Variants in CEP63 observed in about 807,000 individuals in gnomAD.
CEP63 encodes the protein centrosomal protein of 63 kDa.
CEP63 carries 84 observed loss-of-function variants against 89.1 expected under a neutral mutation model. The observed-to-expected ratio is 0.94, with a 90% CI of 0.79 to 1.13. The LOEUF is 1.13. CEP63 is among the 50% of genes most tolerant of loss of function. CEP63 has a pLI of 0.00. For missense variants in CEP63, 838 were observed against 813.3 expected (o/e 1.03, Z -0.37); for synonymous variants, 267 against 272.5 (o/e 0.98, Z 0.20).
chr3:134,623,605 C>T, the CEP63 span, among the ~76,000 whole-genome samples: 1 of 151,532 alleles, frequency 6.6e-6, no homozygotes, highest in Non-Finnish European at 1.5e-5. Flanking sequence ...GTCTAGCCTC[C>T]CCGTCTCTGC....
intron 14 of CEP63, among the ~76,000 whole-genome samples, chr3:134,559,821 G>T (rs754794570): frequency 6.6e-6 from 1 of 152,222 alleles, no homozygotes; most frequent in Non-Finnish European, 1.5e-5. Context: ...GAGTGTGGAG[G>T]GGGAGGAAGG....
At chr3:134,664,559 G>A in the CEP63 span, among the ~76,000 whole-genome samples, 514 of 152,310 alleles carry the variant, frequency 3.4e-3, 5 homozygotes, top group South Asian at 0.054. Context: ...GGTGATGTGC[G>A]CACAGGTGTT....
the CEP63 span, among the ~76,000 whole-genome samples, chr3:134,726,664 G>A: frequency 4.6e-5 from 7 of 152,098 alleles, no homozygotes; most frequent in African/African-American, 4.8e-5. Context: ...GGGCATTTAG[G>A]CTTTTCTGAA....
At chr3:134,774,204 C>T in the CEP63 span, among the ~76,000 whole-genome samples, 1 of 152,120 alleles carries the variant, frequency 6.6e-6, no homozygotes, top group African/African-American at 2.4e-5. Flanking sequence ...CCCCTCCTCA[C>T]CTTCTTCTTA....
At chr3:134,689,168 A>G in the CEP63 span, among the ~76,000 whole-genome samples, 4 of 152,032 alleles carry the variant, frequency 2.6e-5, no homozygotes, top group South Asian at 8.3e-4. Flanking sequence ...TCTCATTTTC[A>G]TAAAGCATCT....
At chr3:134,769,277 C>G in the CEP63 span, among the ~76,000 whole-genome samples, 1 of 152,170 alleles carries the variant, frequency 6.6e-6, no homozygotes, top group African/African-American at 2.4e-5. Context: ...TGGGCCCCAC[C>G]TCAGACCTAC....
At chr3:134,512,452 A>G (rs556285447) in intron 3 of CEP63, among the ~76,000 whole-genome samples, 27 of 152,332 alleles carry the variant, frequency 1.8e-4, no homozygotes, top group African/African-American at 5.8e-4. Flanking sequence ...GGCCTTGGAC[A>G]AGTAACTTCC....
the CEP63 span, among the ~76,000 whole-genome samples, chr3:134,773,790 A>T: frequency 6.6e-6 from 1 of 151,726 alleles, no homozygotes; most frequent in African/African-American, 2.4e-5. Flanking sequence ...TGCATCCCTC[A>T]TTCCTCCAAC....
chr3:134,514,622 A>G (rs1945800853), intron 3 of CEP63, among the ~76,000 whole-genome samples: 1 of 152,142 alleles, frequency 6.6e-6, no homozygotes, highest in Admixed American at 6.5e-5. Context: ...AGTGAAAGCC[A>G]GAAAACAATA....
At chr3:134,650,699 G>C in the CEP63 span, 1 of 877,450 alleles carries the variant, frequency 1.1e-6, no homozygotes, top group Admixed American at 3.2e-5. Context: ...CGGCAGCCAT[G>C]GGGGAGAGGG....
At chr3:134,604,049 C>T in the CEP63 span, 13 of 1,614,004 alleles carry the variant, frequency 8.1e-6, no homozygotes, top group South Asian at 1.3e-4. Flanking sequence ...CGCTGTGTCT[C>T]CTCAGTGATG....
the CEP63 span, among the ~76,000 whole-genome samples, chr3:134,697,332 A>T: frequency 6.6e-6 from 1 of 152,158 alleles, no homozygotes; most frequent in Admixed American, 6.5e-5. Context: ...TTGTCATAAC[A>T]CTGTGGGATA....
chr3:134,566,787 AGAT>A (rs910597610), downstream of CEP63, among the ~76,000 whole-genome samples: 2 of 152,240 alleles, frequency 1.3e-5, no homozygotes, highest in Non-Finnish European at 2.9e-5. Context: ...CAAGTGTTGA[AGAT>A]GATGTGGAGA....
At chr3:134,750,805 A>G in the CEP63 span, among the ~76,000 whole-genome samples, 1 of 152,256 alleles carries the variant, frequency 6.6e-6, no homozygotes, top group Non-Finnish European at 1.5e-5. Flanking sequence ...GTCCAAAACC[A>G]ACAGAGTCTC....
At chr3:134,606,242 A>G in the CEP63 span, among the ~76,000 whole-genome samples, 1 of 152,104 alleles carries the variant, frequency 6.6e-6, no homozygotes, top group Admixed American at 6.6e-5. Flanking sequence ...AGCACCACCC[A>G]GCACCCCACA....
the CEP63 span, among the ~76,000 whole-genome samples, chr3:134,752,812 A>C: frequency 0.53 from 80,330 of 151,852 alleles, 25,202 homozygotes; most frequent in East Asian, 0.83. Flanking sequence ...GCTCCTTGGT[A>C]ATTGCCTATG....
chr3:134,697,803 A>G, the CEP63 span, among the ~76,000 whole-genome samples: 1 of 152,150 alleles, frequency 6.6e-6, no homozygotes, highest in Non-Finnish European at 1.5e-5. Flanking sequence ...CTCATTTCCC[A>G]GTCATTTTTG....
the CEP63 span, among the ~76,000 whole-genome samples, chr3:134,710,705 C>G: frequency 6.8e-6 from 1 of 147,190 alleles, no homozygotes; most frequent in Non-Finnish European, 1.5e-5. Flanking sequence ...TTTATCCATT[C>G]CTTTTTTTTT....
chr3:134,691,869 G>A, the CEP63 span, among the ~76,000 whole-genome samples: 7 of 151,938 alleles, frequency 4.6e-5, no homozygotes, highest in African/African-American at 1.5e-4. Flanking sequence ...ACAGTCATGT[G>A]CCACCACATC....
Sources: allele counts gnomAD v4.1 joint callset (sites outside exome capture counted in the v4.1 genomes callset), GRCh38; gene constraint gnomAD v4.1.1; transcripts MANE v1.5; gene names NCBI Gene and HGNC (gene_info 2026-07-23, HGNC 2026-07-21).